ARSG: variants seen among roughly 807,000 people sequenced by gnomAD.
The protein encoded by ARSG is arylsulfatase G.
A neutral mutation model predicts 50.5 loss-of-function variants in ARSG; 37 were observed. The ratio of observed to expected loss-of-function variants is 0.73; its 90% confidence interval spans 0.56 to 0.96. ARSG has a LOEUF of 0.96. Among genes scored for constraint, ARSG ranks in the 50% least tolerant of loss-of-function variants. ARSG has a pLI of 0.00. For missense variants in ARSG, 629 were observed against 675.3 expected (o/e 0.93, Z 0.76); for synonymous variants, 225 against 254.6 (o/e 0.88, Z 1.11).
At chr17:68,408,520 A>G (rs964990793) in intron 11 of ARSG, among the ~76,000 whole-genome samples, 16 of 151,936 alleles carry the variant, frequency 1.1e-4, no homozygotes, top group Admixed American at 5.9e-4. Flanking sequence ...AATCCAGTCT[A>G]TCATTGTTGG....
intron 2 of ARSG, among the ~76,000 whole-genome samples, chr17:68,316,427 T>C (rs1161112505): frequency 6.6e-6 from 1 of 152,252 alleles, no homozygotes; most frequent in Non-Finnish European, 1.5e-5. Context: ...TTATCTGTCT[T>C]ATTTATGTCT....
intron 8 of ARSG, among the ~76,000 whole-genome samples, chr17:68,374,857 A>AG (rs1283245794): frequency 1.3e-5 from 2 of 151,480 alleles, no homozygotes; most frequent in Non-Finnish European, 2.9e-5. Flanking sequence ...TCAGAAAAAA[A>AG]AAAAAAAGAA....
chr17:68,347,260 C>T lies in ARSG; in HGVS notation c.454+88C>T. 4 of 1,443,736 alleles carry T rather than the reference C, an allele frequency of 2.8e-6. No homozygotes were observed. In the South Asian group the frequency reaches 4.6e-5, roughly 17 times the overall value. 89.4% of individuals were successfully genotyped at this position (1,443,736 alleles called of 1,614,324 possible). ...TCCATGAACAGCTAAGCCATCCTGT[C>T]TCTGGGGGCAACCCTAAGTTAGGAC... On this transcript the variant is annotated intron_variant, in intron 4 of 11. Transcript: ENST00000621439.
chr17:68,311,351 C>T (rs978320568), intron 2 of ARSG, among the ~76,000 whole-genome samples: 3 of 152,158 alleles, frequency 2.0e-5, no homozygotes, highest in Non-Finnish European at 2.9e-5. Context: ...GGAAAGCTTT[C>T]GTGGATGCCT....
intron 1 of ARSG, among the ~76,000 whole-genome samples, chr17:68,283,571 C>T (rs1423635868): frequency 6.6e-6 from 1 of 151,004 alleles, no homozygotes; most frequent in Non-Finnish European, 1.5e-5. Context: ...GTAATCCCAG[C>T]ACACTTTGGG....
intron 1 of ARSG, chr17:68,272,508 G>T (rs1555749268): frequency 1.9e-6 from 2 of 1,055,168 alleles, no homozygotes; most frequent in African/African-American, 1.6e-5. Flanking sequence ...AGCTGGAGAA[G>T]AGACGTAAAT....
chr17:68,396,264 G>A (rs146724751), intron 10 of ARSG, among the ~76,000 whole-genome samples: 3,649 of 152,072 alleles, frequency 0.024, 148 homozygotes, highest in African/African-American at 0.083. Flanking sequence ...TGATCAGCCC[G>A]CCTTGGTCTC....
downstream of ARSG, chr17:68,426,254 G>GGGCCCCCCCCCCCCCCCC: frequency 6.1e-6 from 5 of 816,898 alleles, no homozygotes; most frequent in Non-Finnish European, 7.8e-6. Context: ...GGGAGCGGGG[G>GGGCCCCCCCCCCCCCCCC]CTCAAATAAA....
At chr17:68,309,045 G>A (rs1281165160) in intron 2 of ARSG, among the ~76,000 whole-genome samples, 3 of 152,258 alleles carry the variant, frequency 2.0e-5, no homozygotes, top group African/African-American at 7.2e-5. Flanking sequence ...CAGGTCCCGA[G>A]CCCTGCCCCA....
In ARSG at chr17:68,271,033, A is replaced by G; in HGVS notation, c.-552+11607A>G. 1 of 1,614,216 alleles carries G rather than the reference A, an allele frequency of 6.2e-7. No homozygotes were observed. Among genetic ancestry groups the G allele is most frequent in the East Asian group, 2.2e-5 (1 of 44,890 alleles). On this transcript the variant is annotated intron_variant, in intron 1 of 11. Coordinates refer to the ARSG transcript ENST00000448504. This position sits in a 1 kb window ranked among gnomAD's most constrained non-coding sequence, Gnocchi z 5.3. ...ACCCCAGAATTCAGTAGCAAAAGTA[A>G]AGGCAAACAGAGACACAGTCAATAA...
chr17:68,338,852 T>C (rs1267644093), intron 2 of ARSG, among the ~76,000 whole-genome samples: 1 of 152,242 alleles, frequency 6.6e-6, no homozygotes, highest in African/African-American at 2.4e-5. Context: ...AAAATGAAAC[T>C]GGAAGGTCAT....
chr17:68,355,804 A>G (rs2079008911), intron 5 of ARSG, among the ~76,000 whole-genome samples: 1 of 151,246 alleles, frequency 6.6e-6, no homozygotes, highest in South Asian at 2.1e-4. Flanking sequence ...TTTTTTTCCA[A>G]CTGCTGAAGT....
chr17:68,336,055 C>T (rs563618553), intron 2 of ARSG, among the ~76,000 whole-genome samples: 8 of 152,140 alleles, frequency 5.3e-5, no homozygotes, highest in African/African-American at 1.9e-4. Context: ...CCCACCACCA[C>T]ACCTGGCTAA....
At chr17:68,430,916 T>C in the ARSG span, among the ~76,000 whole-genome samples, 1 of 152,146 alleles carries the variant, frequency 6.6e-6, no homozygotes, top group East Asian at 1.9e-4. Context: ...GCCCTGCAGC[T>C]CAGAGCTCTG....
chr17:68,344,752 G>A (rs1386034404), intron 3 of ARSG, among the ~76,000 whole-genome samples: 1 of 152,182 alleles, frequency 6.6e-6, no homozygotes, highest in Non-Finnish European at 1.5e-5. Flanking sequence ...CAAAGAGCTG[G>A]ACCCCTTGGG....
At chr17:68,447,991 AAAAAAAAAAAAAAAAGAT>A in the ARSG span, among the ~76,000 whole-genome samples, 1 of 148,514 alleles carries the variant, frequency 6.7e-6, no homozygotes, top group African/African-American at 2.6e-5. Context: ...TCTCAAAAAA[AAAAAAAAAAAAAAAAGAT>A]AAAAGGGATT....
Position 68,343,748 on chromosome 17 carries a change from G to A in ARSG, c.363G>A (p.Leu121=). The A allele has an allele frequency of 6.2e-7, 1 of 1,614,080 alleles. No homozygotes were observed. The highest frequency in any genetic ancestry group is 1.6e-4 in the Middle Eastern group (1 of 6,062). ...GCCTTCCGCTCAACGAGACCACCTTGGCAGAGGTGCTGCAGCAGGCGGGTT... is the reference window on the plus strand; with the variant it reads ...GCCTTCCGCTCAACGAGACCACCTTAGCAGAGGTGCTGCAGCAGGCGGGTT... ...VGGLPLNETT[L]AEVLQQAGYV... The change falls in exon 3 of 12, where the codon TTG becomes TTA. Residue 121 remains leucine (L), a synonymous_variant. Coordinates refer to ENST00000621439, the MANE Select transcript of ARSG (RefSeq NM_001267727.2).
rs61442875 is a variant in ARSG, at chr17:68,347,041, A to G, written c.407-84A>G. ...ACAGTGCGAGGCGAAGCTAATGGAG[A>G]GCTGAGTGTGTGATCAGCTCCTCAG... On this transcript the variant is annotated intron_variant, in intron 3 of 11. Transcript: ENST00000621439. The G allele has an allele frequency of 5.3e-3, 8,449 of 1,579,816 alleles. 346 individuals are homozygous for G. The African/African-American group carries it at 0.096, about 18-fold the overall frequency.
At chr17:68,422,998 G>A (rs1407422548), downstream of ARSG, among the ~76,000 whole-genome samples, 1 of 152,188 alleles carries the variant, frequency 6.6e-6, no homozygotes, top group Non-Finnish European at 1.5e-5. Context: ...GGAAGTGTCA[G>A]TATGTGTTCT....
Sources: allele counts gnomAD v4.1 joint callset (sites outside exome capture counted in the v4.1 genomes callset), GRCh38; gene constraint gnomAD v4.1.1; non-coding constraint Gnocchi (gnomAD v3.1); transcripts MANE v1.5; gene names NCBI Gene and HGNC (gene_info 2026-07-23, HGNC 2026-07-21).